Variants in SRBD1 observed in about 807,000 individuals in gnomAD.
The protein encoded by SRBD1 is S1 RNA-binding domain-containing protein 1.
Under a neutral mutation model 115.3 loss-of-function variants are expected in SRBD1, and 88 were observed. The observed-to-expected ratio is 0.76, with a 90% CI of 0.64 to 0.91. The LOEUF is 0.91. Among genes scored for constraint, SRBD1 ranks in the 40% least tolerant of loss-of-function variants. SRBD1 has a pLI of 0.00. For synonymous variants in SRBD1, 509 were observed against 407.7 expected, an observed-to-expected ratio of 1.25 and a Z score of -2.99; for missense variants, 1,385 against 1,177.4, an observed-to-expected ratio of 1.18 and a Z score of -2.58.
At chr2:45,584,459 C>G (rs930311313) in intron 5 of SRBD1, among the ~76,000 whole-genome samples, 1 of 152,190 alleles carries the variant, frequency 6.6e-6, no homozygotes, top group Non-Finnish European at 1.5e-5. Context: ...CTTTAATTCT[C>G]CTGACACTAA....
intron 14 of SRBD1, among the ~76,000 whole-genome samples, chr2:45,537,376 T>A (rs1264320680): frequency 2.0e-5 from 3 of 152,200 alleles, no homozygotes; most frequent in Non-Finnish European, 4.4e-5. Context: ...ATACACACAC[T>A]CTTATCTTTT....
intron 10 of SRBD1, among the ~76,000 whole-genome samples, chr2:45,556,804 C>G (rs567612256): frequency 6.6e-6 from 1 of 152,060 alleles, no homozygotes; most frequent in Non-Finnish European, 1.5e-5. Flanking sequence ...TATATCTGTG[C>G]TACTATTTCT....
In SRBD1 at chr2:45,389,715, G is replaced by A. The variant is rs572724021; in HGVS notation, c.2699-116C>T. The A allele has an allele frequency of 3.8e-6, 4 of 1,047,574 alleles. No individual in the cohort carries two copies. The African/African-American group carries it at 6.4e-5, about 17-fold the overall frequency. 64.9% of individuals were successfully genotyped at this position (1,047,574 alleles called of 1,614,324 possible). A position where few individuals can be genotyped will look rare whatever the true frequency, so the allele number is the denominator to read the frequency against. ...GCCCAGACCAATATTAAAGATTAAG[G>A]GGGGATTATAAAAGGAGCTGCAGAC... On this transcript the variant is annotated intron_variant, in intron 20 of 20. Transcript: ENST00000263736.
chr2:45,463,214 T>A (rs2103779842), intron 16 of SRBD1, among the ~76,000 whole-genome samples: 1 of 152,346 alleles, frequency 6.6e-6, no homozygotes, highest in Middle Eastern at 3.4e-3. Context: ...TTCCTGTCTC[T>A]GTACCACATT....
intron 16 of SRBD1, among the ~76,000 whole-genome samples, chr2:45,472,124 C>T (rs1268492577): frequency 4.6e-5 from 7 of 152,068 alleles, no homozygotes; most frequent in Non-Finnish European, 8.8e-5. Flanking sequence ...CACCCACACC[C>T]ACACATACAC....
chr2:45,507,766 T>C (rs537594473), intron 14 of SRBD1, among the ~76,000 whole-genome samples: 1 of 151,736 alleles, frequency 6.6e-6, no homozygotes, highest in Admixed American at 6.6e-5. Context: ...ATAATAATAA[T>C]CCATATTCAG....
At chr2:45,605,555 T>TCA (rs1674242254) in intron 1 of SRBD1, 114 bp from the exon 2 acceptor site, 1 of 976,884 alleles carries the variant, frequency 1.0e-6, no homozygotes, top group East Asian at 2.4e-5. Context: ...ACAAAAACAA[T>TCA]GATGTTTATT....
At chr2:45,598,185 T>C (rs1425938966) in intron 4 of SRBD1, among the ~76,000 whole-genome samples, 2 of 152,080 alleles carry the variant, frequency 1.3e-5, no homozygotes, top group African/African-American at 2.4e-5. Flanking sequence ...AAAGAAGGCA[T>C]AGAAAGGAGC....
At chr2:45,437,915 G>C (rs1318895118) in intron 16 of SRBD1, among the ~76,000 whole-genome samples, 1 of 152,128 alleles carries the variant, frequency 6.6e-6, no homozygotes, top group Non-Finnish European at 1.5e-5. Flanking sequence ...TATGGATTTT[G>C]TTAAAATTTA....
chr2:45,527,687 G>C (rs909871499), intron 14 of SRBD1, among the ~76,000 whole-genome samples: 5 of 151,864 alleles, frequency 3.3e-5, no homozygotes, highest in South Asian at 2.1e-4. Flanking sequence ...ACCCTACGAA[G>C]TAGATACTAT....
At position 45,554,793 on chromosome 2, in the gene SRBD1, T is replaced by C. The variant is rs115206431; in HGVS notation, c.1410-1063A>G. On this transcript the variant is annotated intron_variant, in intron 10 of 20. Coordinates refer to ENST00000263736, the MANE Select transcript of SRBD1 (RefSeq NM_018079.5). ...GCTCACTCTCTGACCTGCTTCCTCA[T>C]AGTTGTTTGGTGCCTACTGTCCTAG... Among the ~76,000 whole-genome samples, 561 of 152,274 alleles carry C rather than the reference T, an allele frequency of 3.7e-3. 10 individuals carry two copies. Among genetic ancestry groups the C allele is most frequent in the African/African-American group, 0.013 (534 of 41,550 alleles).
intron 14 of SRBD1, among the ~76,000 whole-genome samples, chr2:45,531,300 G>C (rs1671604168): frequency 6.6e-6 from 1 of 151,804 alleles, no homozygotes; most frequent in Admixed American, 6.6e-5. Context: ...AAGCAGGTAA[G>C]TGAAAACAAT....
At chr2:45,441,051 A>C (rs903105194) in intron 16 of SRBD1, among the ~76,000 whole-genome samples, 4 of 152,230 alleles carry the variant, frequency 2.6e-5, no homozygotes, top group African/African-American at 9.6e-5. Flanking sequence ...ATACACATAC[A>C]TGTATGTGGC....
At chr2:45,431,200 T>C (rs1668324892) in intron 16 of SRBD1, among the ~76,000 whole-genome samples, 1 of 152,174 alleles carries the variant, frequency 6.6e-6, no homozygotes, top group South Asian at 2.1e-4. Context: ...ACGCTGTTGG[T>C]GGGAGTGTAA....
chr2:45,569,023 T>C (rs1672924081), intron 9 of SRBD1, among the ~76,000 whole-genome samples: 1 of 152,206 alleles, frequency 6.6e-6, no homozygotes, highest in Non-Finnish European at 1.5e-5. Flanking sequence ...ATTTCAAATC[T>C]TTAAATGGGC....
chr2:45,516,216 T>C (rs1217169096), intron 14 of SRBD1, among the ~76,000 whole-genome samples: 1 of 152,168 alleles, frequency 6.6e-6, no homozygotes, highest in Non-Finnish European at 1.5e-5. Flanking sequence ...GGGGACAAAA[T>C]AGACATTCCA....
chr2:45,434,944 C>T (rs62127108), intron 16 of SRBD1, among the ~76,000 whole-genome samples: 22 of 151,974 alleles, frequency 1.4e-4, no homozygotes, highest in South Asian at 6.3e-4. Context: ...CGACAGGCCC[C>T]GGTGTGTGAT....
intron 9 of SRBD1, chr2:45,568,012 A>G (rs1307198680): frequency 2.0e-5 from 3 of 152,232 alleles, no homozygotes; most frequent in Non-Finnish European, 4.4e-5. Context: ...TTGGGACAGA[A>G]ACTGAAATTG....
chr2:45,416,082 G>C (rs887474254), intron 18 of SRBD1, among the ~76,000 whole-genome samples: 1 of 151,982 alleles, frequency 6.6e-6, no homozygotes, highest in Non-Finnish European at 1.5e-5. Flanking sequence ...AATAAATAGC[G>C]TAAAAGGAAA....
Sources: allele counts gnomAD v4.1 joint callset (sites outside exome capture counted in the v4.1 genomes callset), GRCh38; gene constraint gnomAD v4.1.1; transcripts MANE v1.5; gene names NCBI Gene and HGNC (gene_info 2026-07-23, HGNC 2026-07-21).